ADH4: variants seen among roughly 807,000 people sequenced by gnomAD.
The protein encoded by ADH4 is alcohol dehydrogenase 4 (class II), pi polypeptide.
ADH4 carries 31 observed loss-of-function variants against 35.2 expected under a neutral mutation model. The ratio of observed to expected loss-of-function variants is 0.88; its 90% CI spans 0.66 to 1.19. The LOEUF (loss-of-function observed/expected upper bound fraction) is 1.19, where lower values mean the gene tolerates loss of function less well. Ranked by LOEUF, ADH4 falls within the 50% of genes most tolerant of loss-of-function variation. The probability of loss-of-function intolerance (pLI) is 0.00; values close to 1 mark genes in which losing one functional copy is unlikely to be tolerated. For missense variants in ADH4, 476 were observed against 458.3 expected, an observed-to-expected ratio of 1.04 and a Z score of -0.35; for synonymous variants, 171 against 160.2, an observed-to-expected ratio of 1.07 and a Z score of -0.51.
At chr4:99,141,222 TG>T (rs1257264151) in intron 3 of ADH4, among the ~76,000 whole-genome samples, 1 of 152,222 alleles carries the variant, frequency 6.6e-6, no homozygotes, top group African/African-American at 2.4e-5. Context: ...GACATGATCT[TG>T]TTCTTTTATA....
chr4:99,137,451 G>A (rs770773352), intron 4 of ADH4, among the ~76,000 whole-genome samples: 2 of 151,806 alleles, frequency 1.3e-5, no homozygotes, highest in African/African-American at 2.4e-5. Flanking sequence ...TAGTAGAGAC[G>A]GGGTTTCTCC....
intron 5 of ADH4, among the ~76,000 whole-genome samples, chr4:99,134,648 G>C (rs1729382197): frequency 6.6e-6 from 1 of 151,754 alleles, no homozygotes; most frequent in Non-Finnish European, 1.5e-5. Flanking sequence ...ACTCCACCCA[G>C]CTACTAGTAC....
Position 99,141,604 on chromosome 4 carries a change from C to A in ADH4, c.199G>T (p.Val67Phe). The change falls in exon 3 of 9, where the codon GTT (valine) becomes TTT (phenylalanine). Residue 67 changes from valine to phenylalanine, a missense_variant. Coordinates refer to ENST00000265512, the MANE Select transcript of ADH4 (RefSeq NM_000670.5). ...KFEGLAFPVI[V>F]GHEAAGIVES... ...ACAATACCTGCAGCCTCATGGCCAA[C>A]GATCACTGGGAAAGCTAGGCCCTCA... is the stretch of plus-strand genomic sequence containing the variant. The A allele has an allele frequency of 6.2e-7, 1 of 1,614,088 alleles. No homozygotes were observed. The highest frequency in any genetic ancestry group is 8.5e-7 in the Non-Finnish European group (1 of 1,179,996).
chr4:99,133,161 A>G (rs17217949), intron 5 of ADH4, among the ~76,000 whole-genome samples: 32,020 of 152,138 alleles, frequency 0.21, 4,042 homozygotes, highest in Non-Finnish European at 0.28. Context: ...ACAACAGTGT[A>G]TAAATATAAT....
chr4:99,141,555 G>A lies in ADH4; in HGVS notation c.248C>T (p.Thr83Ile), dbSNP rs111700010. 23 of 1,607,624 alleles carry A rather than the reference G, an allele frequency of 1.4e-5. 1 individual carries two copies. The African/African-American group carries it at 2.0e-4, about 14-fold the overall frequency. ...AAATAAAATACCTGGTTTGACGTTG[G>A]TCACTCCTGGCCCAATACTTTCCAC... ...GIVESIGPGVTNVKPGDKVIP... is the reference protein window; with the variant it reads ...GIVESIGPGVINVKPGDKVIP... The change falls in exon 3 of 9, where the codon ACC (threonine) becomes ATC (isoleucine). Residue 83 changes from threonine to isoleucine, a missense_variant. By Grantham distance (89) the Thr-to-Ile change is moderately conservative. Transcript: ENST00000265512.
Position 99,131,492 on chromosome 4 carries a change from A to G in ADH4, c.843+12T>C. The G allele has an allele frequency of 6.2e-7, 1 of 1,608,402 alleles. No homozygotes were observed. Among genetic ancestry groups the G allele is most frequent in the Non-Finnish European group, 8.5e-7 (1 of 1,177,890 alleles). On this transcript the variant is annotated intron_variant, in intron 6 of 8. Coordinates refer to ENST00000265512, the MANE Select transcript of ADH4 (RefSeq NM_000670.5). Reference sequence around the variant, plus strand: ...ACATTGAAAATATGATCCAAGAACAAAATATACATACCATGGTTTCAGATC... The same window carrying G: ...ACATTGAAAATATGATCCAAGAACAGAATATACATACCATGGTTTCAGATC...
rs116245107 is a variant in ADH4 at position 99,143,833 on chromosome 4, A to G, written c.18+372T>C. Among the ~76,000 whole-genome samples the G allele has an allele frequency of 3.2e-3, 491 of 152,258 alleles. 4 individuals carry two copies. The highest frequency in any genetic ancestry group is 0.011 in the African/African-American group (469 of 41,548). ...GATTCTTCGAGTATCCCCAAATAAG[A>G]TACATTGTCCATAGTATTTTGTAAT... is the stretch of plus-strand genomic sequence containing the variant. On this transcript the variant is annotated intron_variant, in intron 1 of 8. Transcript: ENST00000265512.
At chr4:99,143,189 AT>A (rs1331243269) in intron 1 of ADH4, 15 of 701,968 alleles carry the variant, frequency 2.1e-5, no homozygotes, top group Non-Finnish European at 5.2e-6. Flanking sequence ...TTGCTGGAGA[AT>A]AGATGTGTTT....
chr4:99,142,599 G>A, intron 2 of ADH4, 80 bp downstream of exon 2: 1 of 834,400 alleles, frequency 1.2e-6, no homozygotes, highest in Non-Finnish European at 1.8e-6. Flanking sequence ...CTGAATCATA[G>A]CACAGAGGAT....
intron 2 of ADH4, 111 bp downstream of exon 2, chr4:99,142,568 G>C (rs1312679061): frequency 6.0e-6 from 3 of 501,906 alleles, no homozygotes; most frequent in Non-Finnish European, 1.0e-5. Flanking sequence ...CAGCTTCCCT[G>C]TACTAGAAAC....
intron 6 of ADH4, among the ~76,000 whole-genome samples, chr4:99,128,018 CAAAT>C (rs1035855255): frequency 2.3e-5 from 3 of 127,846 alleles, no homozygotes; most frequent in Admixed American, 7.7e-5. Context: ...TTTTTTTTGA[CAAAT>C]AAGACTAATT....
At chr4:99,143,725 C>A (rs1393864459) in intron 1 of ADH4, among the ~76,000 whole-genome samples, 1 of 151,938 alleles carries the variant, frequency 6.6e-6, no homozygotes, top group African/African-American at 2.4e-5. Context: ...TTTCAAAATG[C>A]CAAGGCCTAT....
At chr4:99,143,968 C>A (rs573533396) in intron 1 of ADH4, among the ~76,000 whole-genome samples, 107 of 152,004 alleles carry the variant, frequency 7.0e-4, no homozygotes, top group Middle Eastern at 3.4e-3. Flanking sequence ...TTACTTAAAT[C>A]TCTCTTCTTT....
At chr4:99,132,114 A>C (rs1729299039) in intron 5 of ADH4, among the ~76,000 whole-genome samples, 1 of 152,162 alleles carries the variant, frequency 6.6e-6, no homozygotes, top group Non-Finnish European at 1.5e-5. Flanking sequence ...TTAATTTGAC[A>C]TCTATATTTC....
chr4:99,139,683 A>G (rs764348252), intron 3 of ADH4, among the ~76,000 whole-genome samples: 2 of 152,176 alleles, frequency 1.3e-5, no homozygotes, highest in South Asian at 4.1e-4. Context: ...AATACATACC[A>G]CGCACCATTA....
Position 99,131,507 on chromosome 4 carries a change from G to C in ADH4, c.840C>G (p.Thr280=). The C allele has an allele frequency of 6.2e-7, 1 of 1,612,168 alleles. No individual in the cohort carries two copies. The highest frequency in any genetic ancestry group is 1.3e-5 in the African/African-American group (1 of 74,924). Residue 280 remains threonine, a synonymous_variant, in exon 6 of 9, where the codon ACC becomes ACG. Transcript: ENST00000265512. The part of the protein sequence containing the change: ...FALDCAGGSE[T]MKAALDCTTA... Reference sequence around the variant, plus strand: ...TCCAAGAACAAAATATACATACCATGGTTTCAGATCCACCTGCACAGTCAA... The same window carrying C: ...TCCAAGAACAAAATATACATACCATCGTTTCAGATCCACCTGCACAGTCAA...
In ADH4 at chr4:99,131,552, C is replaced by G. The variant is rs973397849; in HGVS notation, c.795G>C (p.Lys265Asn). 12 of 1,613,956 alleles carry G rather than the reference C, an allele frequency of 7.4e-6. No individual in the cohort carries two copies. Among genetic ancestry groups the G allele is most frequent in the African/African-American group, 1.3e-5 (1 of 74,916 alleles). ...AGTCAAGGGCAAAATCCACACCTCC[C>G]TTGGTCAATTCAATGATAACTTCCT... ...PIQEVIIELT[K>N]GGVDFALDCA... The change falls in exon 6 of 9, where the codon AAG becomes AAC. Residue 265 changes from lysine to asparagine, a missense_variant. Physicochemically the swap from Lys to Asn is moderately conservative, Grantham distance 94 (BLOSUM62 0). Coordinates refer to ENST00000265512, the MANE Select transcript of ADH4 (RefSeq NM_000670.5).
chr4:99,141,128 A>G (rs1579404979), intron 3 of ADH4, among the ~76,000 whole-genome samples: 1 of 152,178 alleles, frequency 6.6e-6, no homozygotes, highest in African/African-American at 2.4e-5. Context: ...ACTTATAAGT[A>G]AGAACATTCA....
intron 5 of ADH4, among the ~76,000 whole-genome samples, chr4:99,133,071 C>G (rs866284592): frequency 4.6e-5 from 7 of 152,040 alleles, no homozygotes; most frequent in Admixed American, 6.6e-5. Flanking sequence ...TTAAAAGGAG[C>G]CTGTGAGTCT....
Sources: gnomAD v4.1 joint callset for allele counts (sites outside exome capture counted in the v4.1 genomes callset) on GRCh38, gnomAD v4.1.1 for gene constraint, MANE v1.5 for transcripts, NCBI Gene and HGNC (gene_info 2026-07-23, HGNC 2026-07-21) for gene names.